Variants in MACF1 observed in about 807,000 individuals in gnomAD.
The protein encoded by MACF1 is microtubule-actin cross-linking factor 1.
MACF1 carries 193 observed loss-of-function variants against 854.8 expected under a neutral mutation model. The observed-to-expected ratio is 0.23, with a 90% CI of 0.20 to 0.25. MACF1 has a LOEUF of 0.25. Among genes scored for constraint, MACF1 ranks in the 10% least tolerant of loss-of-function variants. MACF1 has a pLI of 1.00. For missense variants in MACF1, 7,722 were observed against 8,929.1 expected, an observed-to-expected ratio of 0.86 and a Z score of 5.45; for synonymous variants, 3,185 against 3,226.7, an observed-to-expected ratio of 0.99 and a Z score of 0.44.
rs538518125 is a variant in MACF1, at chr1:39,353,882, A to AT, written c.11424+653dup. Among the ~76,000 whole-genome samples, 27 of 152,214 alleles carry AT rather than the reference A, an allele frequency of 1.8e-4. No individual in the cohort carries two copies. In the East Asian group the frequency reaches 5.0e-3, roughly 28 times the overall value. On this transcript the variant is annotated intron_variant, in intron 44 of 100. Transcript: ENST00000564288. Reference sequence around the variant, plus strand: ...TATACTTCTTCATCTTTATTGAGATATTATTGTAGTTTAGAACCACTGTCT... The same window carrying AT: ...TATACTTCTTCATCTTTATTGAGATATTTATTGTAGTTTAGAACCACTGTCT...
chr1:39,320,643 T>C (rs1200965624), intron 31 of MACF1, among the ~76,000 whole-genome samples: 1 of 152,188 alleles, frequency 6.6e-6, no homozygotes, highest in Non-Finnish European at 1.5e-5. Flanking sequence ...GATTTAGCTC[T>C]CCCCTATTTC....
At chr1:39,410,898 C>G in intron 58 of MACF1, 1 of 1,614,032 alleles carries the variant, frequency 6.2e-7, no homozygotes, top group Non-Finnish European at 8.5e-7. Context: ...ATTTTAAAAA[C>G]TTAAGTGGAG....
intron 2 of MACF1, among the ~76,000 whole-genome samples, chr1:39,110,737 A>C (rs938990786): frequency 6.6e-6 from 1 of 152,214 alleles, no homozygotes; most frequent in Non-Finnish European, 1.5e-5. Context: ...CCATGTGCTA[A>C]CAGTGCTTAT....
Position 39,293,868 on chromosome 1 carries a change from T to C in MACF1, c.2154+249T>C, listed in dbSNP as rs187474868. On this transcript the variant is annotated intron_variant, in intron 18 of 100. Transcript: ENST00000564288. ...GGTGAATAGAGCAGCAACCTGTAAA[T>C]TGAGTCATTTCAGAAGCAATACAGC... 3.3e-5 allele frequency among the ~76,000 whole-genome samples: 5 copies of C among 152,128 alleles called. No homozygotes were observed. The East Asian group carries it at 5.8e-4, about 18-fold the overall frequency.
chr1:39,459,309 C>A, intron 91 of MACF1, 60 bp downstream of exon 91: 1 of 1,517,976 alleles, frequency 6.6e-7, no homozygotes, highest in Non-Finnish European at 8.9e-7. Context: ...CAAAACACAG[C>A]CCTTCTGAGG....
intron 2 of MACF1, among the ~76,000 whole-genome samples, chr1:39,233,581 G>GGAGGTGGGTAAA (rs1193293518): frequency 2.0e-5 from 3 of 151,942 alleles, no homozygotes; most frequent in Non-Finnish European, 4.4e-5. Flanking sequence ...CCGTGGGTAA[G>GGAGGTGGGTAAA]GAGGTGGTTA....
intron 17 of MACF1, 89 bp downstream of exon 17, chr1:39,292,932 T>A: frequency 8.9e-7 from 1 of 1,118,204 alleles, no homozygotes; most frequent in East Asian, 2.6e-5. Flanking sequence ...ATCTCCTGGT[T>A]TGGCCCTGTT....
chr1:39,116,826 C>T (rs1642559777), intron 2 of MACF1, among the ~76,000 whole-genome samples: 1 of 152,204 alleles, frequency 6.6e-6, no homozygotes. Flanking sequence ...ATCCCCATCT[C>T]ATTATCTGAC....
At chr1:39,232,861 C>T (rs1392761336) in intron 2 of MACF1, among the ~76,000 whole-genome samples, 4 of 151,622 alleles carry the variant, frequency 2.6e-5, no homozygotes, top group Admixed American at 2.0e-4. Context: ...CAGCTCACTG[C>T]AGCCCTAACC....
intron 2 of MACF1, among the ~76,000 whole-genome samples, chr1:39,233,470 C>T (rs1221928159): frequency 6.6e-6 from 1 of 152,120 alleles, no homozygotes; most frequent in Non-Finnish European, 1.5e-5. Flanking sequence ...TGACGTAAAC[C>T]CCTGAGGCCA....
At chr1:39,227,341 T>C (rs1644728251) in intron 1 of MACF1, among the ~76,000 whole-genome samples, 1 of 152,236 alleles carries the variant, frequency 6.6e-6, no homozygotes, top group Non-Finnish European at 1.5e-5. Context: ...CCGGTGGTTT[T>C]ATGTTTTAGT....
At position 39,350,923 on chromosome 1, in the gene MACF1, A is replaced by G. The variant is rs767104310; in HGVS notation, c.11104A>G (p.Lys3702Glu). 5 of 1,614,070 alleles carry G rather than the reference A, an allele frequency of 3.1e-6. No homozygotes were observed. In the Admixed American group the frequency reaches 6.7e-5, roughly 22 times the overall value. Reference sequence around the variant, plus strand: ...TCTTCGGGAAAAGCTTCATCAGGCTAAGGAGCAATATGAGGCGCTCCAGGA... The same window carrying G: ...TCTTCGGGAAAAGCTTCATCAGGCTGAGGAGCAATATGAGGCGCTCCAGGA... Reference protein sequence around the residue: ...TALREKLHQAKEQYEALQEET... With the variant: ...TALREKLHQAEEQYEALQEET... The change falls in exon 43 of 101, where the codon AAG (lysine) becomes GAG (glutamate). Residue 3702 changes from lysine (K) to glutamate (E), a missense_variant. Lys to Glu is a moderately conservative substitution (Grantham distance 56). Transcript: ENST00000564288.
At chr1:39,107,318 CTT>C (rs777809325) in intron 2 of MACF1, among the ~76,000 whole-genome samples, 26 of 151,752 alleles carry the variant, frequency 1.7e-4, no homozygotes, top group Non-Finnish European at 3.2e-4. Context: ...GGAGAGACCT[CTT>C]TTGTTCAGTT....
rs1168712985 is a variant in MACF1 at position 39,331,381 on chromosome 1, G to A, written c.4793G>A (p.Gly1598Asp). ...GGTGAAAACCTCTCTTTGGAGGAGGGCATAGCCAGAAACCTCATTAATCCC... is the reference window on the plus strand; with the variant it reads ...GGTGAAAACCTCTCTTTGGAGGAGGACATAGCCAGAAACCTCATTAATCCC... ...ETGENLSLEE[G>D]IARNLINPQM... Residue 1598 changes from glycine to aspartate, a missense_variant, in exon 37 of 101, where the codon GGC becomes GAC. Around this residue, in one of 15 missense-constraint regions of MACF1, gnomAD observed 1,531 missense variants for 1,601.6 expected, o/e 0.96. Coordinates refer to ENST00000564288, the MANE Select transcript of MACF1 (RefSeq NM_001394062.1). 1 of 1,613,944 alleles carries A rather than the reference G, an allele frequency of 6.2e-7. No individual in the cohort carries two copies. The highest frequency in any genetic ancestry group is 1.1e-5 in the South Asian group (1 of 91,060).
In MACF1 at chr1:39,435,701, A is replaced by G. The variant is rs777972078; in HGVS notation, c.17928A>G (p.Ile5976Met). 6.8e-6 allele frequency: 11 copies of G among 1,614,084 alleles called. No homozygotes were observed. In the South Asian group the frequency reaches 1.1e-4, roughly 16 times the overall value. Residue 5976 changes from isoleucine (I) to methionine (M), a missense_variant, in exon 70 of 101, where the codon ATA becomes ATG. Physicochemically the swap from Ile to Met is conservative, Grantham distance 10. Around this residue, in one of 15 missense-constraint regions of MACF1, gnomAD observed 2,807 missense variants for 3,235.8 expected, o/e 0.87. Coordinates refer to ENST00000564288, the MANE Select transcript of MACF1 (RefSeq NM_001394062.1). ...AAGCAGAAAACATGTATGCCCAAAT[A>G]AAGGAGGAGGTGCGCCAGCGAGCCC... ...YQKAENMYAQ[I>M]KEEVRQRALA...
chr1:39,484,803 T>C, intron 100 of MACF1, 73 bp downstream of exon 100: 7 of 1,574,858 alleles, frequency 4.4e-6, no homozygotes, highest in Middle Eastern at 1.7e-4. Flanking sequence ...AATGTTTCAC[T>C]GCTCCCAAGG....
intron 58 of MACF1, among the ~76,000 whole-genome samples, chr1:39,402,243 C>T (rs927529962): frequency 6.6e-6 from 1 of 152,100 alleles, no homozygotes; most frequent in Admixed American, 6.6e-5. Flanking sequence ...CCAGAGACCT[C>T]TTTCATGGAA....
At chr1:39,345,647 A>G (rs1647028403) in intron 40 of MACF1, among the ~76,000 whole-genome samples, 1 of 152,160 alleles carries the variant, frequency 6.6e-6, no homozygotes, top group African/African-American at 2.4e-5. Context: ...AACAAATTAT[A>G]TATTTTCTCA....
At chr1:39,444,561 T>G in intron 79 of MACF1, 101 bp from the exon 80 acceptor site, 16 of 981,128 alleles carry the variant, frequency 1.6e-5, no homozygotes, top group Admixed American at 2.9e-5. Context: ...GTAATCAAGA[T>G]GAGCCCTTCC....
Sources: allele counts gnomAD v4.1 joint callset (sites outside exome capture counted in the v4.1 genomes callset), GRCh38; gene constraint gnomAD v4.1.1; regional missense constraint gnomAD v4.1.1; transcripts MANE v1.5; gene names NCBI Gene and HGNC (gene_info 2026-07-23, HGNC 2026-07-21).